The following MYLK3 variants were observed in gnomAD, a reference collection of about 807,000 sequenced individuals.
The protein encoded by MYLK3 is MLC kinase.
Under a neutral mutation model 76.3 loss-of-function variants are expected in MYLK3, and 55 were observed. That is an observed-to-expected ratio of 0.72 (90% CI 0.58 to 0.90). The LOEUF (loss-of-function observed/expected upper bound fraction) is 0.90. Ranked by LOEUF, MYLK3 falls within the 40% of genes least tolerant of loss-of-function variation. The pLI, the probability that MYLK3 is intolerant of heterozygous loss-of-function variation, is 0.00. For synonymous variants in MYLK3, 416 were observed against 425.4 expected, an observed-to-expected ratio of 0.98 and a Z score of 0.27; for missense variants, 973 against 1,053.6, an observed-to-expected ratio of 0.92 and a Z score of 1.06.
chr16:46,748,231 A>C lies in MYLK3; in HGVS notation c.-38T>G. 6.3e-7 allele frequency: 1 copy of C among 1,584,106 alleles called. No homozygotes were observed. Among genetic ancestry groups the C allele is most frequent in the East Asian group, 2.2e-5 (1 of 44,566 alleles). ...TTGACAAGGGCAAGAGCGGGGAATG[A>C]GGAGAGGCACAGACCCCTGGTTCTC... On this transcript the variant is annotated 5_prime_UTR_variant, in exon 1 of 13. Coordinates refer to ENST00000394809, the MANE Select transcript of MYLK3 (RefSeq NM_182493.3). The surrounding 1 kb of genome is among the most constrained non-coding windows in gnomAD (Gnocchi z 4.3).
At chr16:46,759,629 C>CT (rs879830954) in intron 1 of MYLK3, among the ~76,000 whole-genome samples, 230 of 145,584 alleles carry the variant, frequency 1.6e-3, no homozygotes, top group Admixed American at 2.1e-3. Context: ...CTTTTCTCCA[C>CT]TTTTTTTTTT....
At chr16:46,741,959 T>C (rs41232) in intron 1 of MYLK3, among the ~76,000 whole-genome samples, 148,715 of 152,138 alleles carry the variant, frequency 0.98, 72,761 homozygotes, top group East Asian at 1. Context: ...TGTTGTTTTA[T>C]AGAGACAAGG....
chr16:46,762,610 C>T (rs1052369409), intron 1 of MYLK3, among the ~76,000 whole-genome samples: 3 of 152,170 alleles, frequency 2.0e-5, no homozygotes, highest in Admixed American at 6.5e-5. Flanking sequence ...ACACATGTCA[C>T]GGGGAAGGAA....
intron 12 of MYLK3, 93 bp downstream of exon 12, chr16:46,709,446 A>AG: frequency 7.0e-7 from 1 of 1,427,698 alleles, no homozygotes; most frequent in Non-Finnish European, 9.5e-7. Context: ...AAAAGAAGAA[A>AG]AAAAAAAAAA....
chr16:46,735,198 C>A (rs1473895680), intron 3 of MYLK3, among the ~76,000 whole-genome samples: 2 of 151,696 alleles, frequency 1.3e-5, no homozygotes, highest in Non-Finnish European at 2.9e-5. Flanking sequence ...GTGGTTTTTA[C>A]CCCTATTTAT....
At chr16:46,718,096 A>G (rs1330465404) in intron 9 of MYLK3, among the ~76,000 whole-genome samples, 1 of 152,260 alleles carries the variant, frequency 6.6e-6, no homozygotes, top group African/African-American at 2.4e-5. Flanking sequence ...GCCACAGCAC[A>G]TAAACAGATA....
chr16:46,708,991 T>G (rs1966655176), intron 12 of MYLK3, among the ~76,000 whole-genome samples: 1 of 152,252 alleles, frequency 6.6e-6, no homozygotes, highest in Non-Finnish European at 1.5e-5. Flanking sequence ...AGTGTCCATA[T>G]AAGCACAAAC....
chr16:46,713,462 G>T (rs1394496737), intron 9 of MYLK3, among the ~76,000 whole-genome samples: 1 of 152,128 alleles, frequency 6.6e-6, no homozygotes, highest in African/African-American at 2.4e-5. Flanking sequence ...GCCTCCCAAA[G>T]TGCTGGATTA....
intron 9 of MYLK3, among the ~76,000 whole-genome samples, 200 bp from the exon 10 acceptor site, chr16:46,712,976 G>A (rs535786179): frequency 1.3e-5 from 2 of 152,238 alleles, no homozygotes; most frequent in East Asian, 1.9e-4. Flanking sequence ...CTAAGTCAGC[G>A]ATAGAATCAG....
chr16:46,741,402 A>G (rs1463383844), intron 1 of MYLK3, among the ~76,000 whole-genome samples: 2 of 152,240 alleles, frequency 1.3e-5, no homozygotes, highest in Non-Finnish European at 2.9e-5. Flanking sequence ...GCTTTCACCC[A>G]TAAAACAGCC....
chr16:46,737,880 G>T lies in MYLK3; in HGVS notation c.832C>A (p.Leu278Met), dbSNP rs1966877796. 1 of 1,614,180 alleles carries T rather than the reference G, an allele frequency of 6.2e-7. No homozygotes were observed. The highest frequency in any genetic ancestry group is 8.5e-7 in the Non-Finnish European group (1 of 1,180,028). ...TGTCCTGCACCTGGTGCAACCTCCA[G>T]GCTCGGGGAGACCACATTGACCCTG... ...PGRVNVVSPS[L>M]EVAPGAGQGA... The change falls in exon 3 of 13, where the codon CTG becomes ATG. Residue 278 changes from leucine (L) to methionine (M), a missense_variant. Leu to Met is a conservative substitution (Grantham distance 15). Around this residue, in one of 2 missense-constraint regions of MYLK3, gnomAD observed 641 missense variants for 637.0 expected, o/e 1.01. Transcript: ENST00000394809.
intron 1 of MYLK3, among the ~76,000 whole-genome samples, chr16:46,759,700 T>C (rs1238118213): frequency 6.6e-6 from 1 of 152,102 alleles, no homozygotes; most frequent in Non-Finnish European, 1.5e-5. Flanking sequence ...CGATCTCTGC[T>C]CACTGCAACC....
chr16:46,757,334 C>A, intron 1 of MYLK3: 1 of 973,442 alleles, frequency 1.0e-6, no homozygotes, highest in Non-Finnish European at 1.2e-6. Context: ...CGGGGAACAA[C>A]TGTCACCAGG....
rs752211624 is a variant in MYLK3 at position 46,737,785 on chromosome 16, G to A, written c.927C>T (p.Gly309=). The change falls in exon 3 of 13, where the codon GGC becomes GGT. Residue 309 remains glycine (G), a synonymous_variant. Coordinates refer to ENST00000394809, the MANE Select transcript of MYLK3 (RefSeq NM_182493.3). ...GCCCTGGAGGCCCTGGGCACTGAGG[G>A]CCAGGCCCTGGAGTCAGCCTCGTGC... ...EEGTRLTPGP[G]PQCPGPPGLP... is the part of the protein sequence containing the mutation. The A allele has an allele frequency of 3.7e-6, 6 of 1,612,014 alleles. No individual in the cohort carries two copies. Among genetic ancestry groups the A allele is most frequent in the Admixed American group, 3.3e-5 (2 of 60,032 alleles).
upstream of MYLK3, among the ~76,000 whole-genome samples, chr16:46,750,594 T>G (rs1028147042): frequency 2.0e-5 from 3 of 152,184 alleles, no homozygotes; most frequent in Non-Finnish European, 2.9e-5. Context: ...CTTGGGAGGC[T>G]GAGGCAGGAG....
chr16:46,737,974 C>T lies in MYLK3; in HGVS notation c.738G>A (p.Val246=), dbSNP rs1173979030. 6.2e-7 allele frequency: 1 copy of T among 1,614,096 alleles called. No homozygotes were observed. The highest frequency in any genetic ancestry group is 1.7e-5 in the Admixed American group (1 of 60,032). ...TGGGTGTCTCAGGAGCCTTGGCTTC[C>T]ACCTTTGTGGGCAGGGGCAGGTGGC... ...FPGHLPLPTK[V]EAKAPETPSE... The change falls in exon 3 of 13, where the codon GTG becomes GTA. Residue 246 remains valine, a synonymous_variant. Coordinates refer to ENST00000394809, the MANE Select transcript of MYLK3 (RefSeq NM_182493.3).
intron 4 of MYLK3, 57 bp downstream of exon 4, chr16:46,732,151 G>A (rs1256233788): frequency 9.9e-6 from 14 of 1,421,072 alleles, no homozygotes; most frequent in Non-Finnish European, 1.2e-5. Flanking sequence ...CAGGAGTAGG[G>A]GCTCCAAACT....
intron 1 of MYLK3, among the ~76,000 whole-genome samples, chr16:46,742,431 C>T (rs546955811): frequency 2.1e-5 from 3 of 140,384 alleles, no homozygotes; most frequent in African/African-American, 8.0e-5. Context: ...TGACAGGCAC[C>T]TGTAATCCCA....
At chr16:46,759,426 GCTACA>G (rs1358349829) in intron 1 of MYLK3, among the ~76,000 whole-genome samples, 1 of 152,178 alleles carries the variant, frequency 6.6e-6, no homozygotes, top group Non-Finnish European at 1.5e-5. Flanking sequence ...CAGGCACTGT[GCTACA>G]TCCTTACATC....
Sources: gnomAD v4.1 joint callset for allele counts (sites outside exome capture counted in the v4.1 genomes callset) on GRCh38, gnomAD v4.1.1 for gene constraint, gnomAD v4.1.1 regional missense constraint, Gnocchi (gnomAD v3.1) non-coding constraint, MANE v1.5 for transcripts, NCBI Gene and HGNC (gene_info 2026-07-23, HGNC 2026-07-21) for gene names.